The following CD40LG variants were observed in gnomAD, a reference collection of about 807,000 sequenced individuals.
CD40LG encodes the protein CD40 antigen ligand.
In CD40LG, 1 loss-of-function variant was observed where a neutral mutation model predicts 17.2. That is an observed-to-expected ratio of 0.06 (90% CI 0.02 to 0.28). The LOEUF (loss-of-function observed/expected upper bound fraction) is 0.28. Among genes scored for constraint, CD40LG ranks in the 10% least tolerant of loss-of-function variants. The pLI is 1.00. For missense variants in CD40LG, 133 were observed against 193.2 expected (o/e 0.69, Z 1.85); for synonymous variants, 66 against 74.4 (o/e 0.89, Z 0.58).
chrX:136,656,335 C>G (rs375579155), intron 3 of CD40LG, 21 bp from the exon 4 acceptor site: 1 of 1,190,805 alleles, frequency 8.4e-7, no homozygotes. Flanking sequence ...TTTAGCCTGA[C>G]AGTTTTTGGT....
At chrX:136,649,699 C>T (rs765038500) in intron 1 of CD40LG, among the ~76,000 whole-genome samples, 1 of 112,789 alleles carries the variant, frequency 8.9e-6, no homozygotes, top group South Asian at 3.6e-4. Flanking sequence ...TATTCTAAGA[C>T]ATTGGAAAAT....
rs2148553883 is a variant in CD40LG, at chrX:136,659,693, A to C, written c.*278A>C. 5 of 353,875 alleles carry C rather than the reference A, an allele frequency of 1.4e-5. No homozygotes were observed. In the East Asian group the frequency reaches 2.2e-4, roughly 16 times the overall value. The allele number at this position is 353,875 out of a possible 1,213,427, so 29.2% of individuals were successfully genotyped here. On this transcript the variant is annotated 3_prime_UTR_variant, in exon 5 of 5. Coordinates refer to ENST00000370629, the MANE Select transcript of CD40LG (RefSeq NM_000074.3). ...GAGAGTCCTATGAAAAGACAAGGCCATTATGCACAGGTTGAATTCTGAGTA... is the reference window on the plus strand; with the variant it reads ...GAGAGTCCTATGAAAAGACAAGGCCCTTATGCACAGGTTGAATTCTGAGTA...
chrX:136,650,048 G>A (rs957460519), intron 1 of CD40LG, among the ~76,000 whole-genome samples: 1 of 112,354 alleles, frequency 8.9e-6, no homozygotes, highest in African/African-American at 3.2e-5. Flanking sequence ...TTTCTACCTG[G>A]AGTTTCTGAT....
chrX:136,656,838 C>T (rs1240948132), intron 4 of CD40LG, among the ~76,000 whole-genome samples: 1 of 111,927 alleles, frequency 8.9e-6, no homozygotes, highest in Non-Finnish European at 1.9e-5. Flanking sequence ...TAAGCTCAGC[C>T]TCACTGAGGC....
At chrX:136,654,298 A>G in intron 2 of CD40LG, 75 bp from the exon 3 acceptor site, 1 of 746,878 alleles carries the variant, frequency 1.3e-6, no homozygotes, top group Non-Finnish European at 2.1e-6. Flanking sequence ...TGACAGATGC[A>G]AAACGAATGA....
chrX:136,654,398 C>T lies in CD40LG; in HGVS notation c.314C>T (p.Thr105Met), dbSNP rs376582437. Residue 105 changes from threonine to methionine, a missense_variant, in exon 3 of 5, where the codon ACG becomes ATG. Coordinates refer to ENST00000370629, the MANE Select transcript of CD40LG (RefSeq NM_000074.3). The stretch of plus-strand genomic sequence containing the variant: ...GATATAATGTTAAACAAAGAGGAGA[C>T]GAAGAAAGAAAACAGCTTTGAAATG... ...VKDIMLNKEE[T>M]KKENSFEMQK... is the part of the protein sequence containing the mutation. 2.1e-5 allele frequency: 25 copies of T among 1,201,226 alleles called. No individual in the cohort carries two copies. The highest frequency in any genetic ancestry group is 1.1e-4 in the African/African-American group (6 of 57,020).
Position 136,656,363 on chromosome X carries a change from G to A in CD40LG, c.354G>A (p.Gln118=). 1 of 1,209,433 alleles carries A rather than the reference G, an allele frequency of 8.3e-7. No individual in the cohort carries two copies. Among genetic ancestry groups the A allele is most frequent in the Non-Finnish European group, 1.1e-6 (1 of 893,337 alleles). Residue 118 remains glutamine (Q), a synonymous_variant, in exon 4 of 5, where the codon CAG becomes CAA. Coordinates refer to ENST00000370629, the MANE Select transcript of CD40LG (RefSeq NM_000074.3). ...ENSFEMQKGD[Q]NPQIAAHVIS... Reference sequence around the variant, plus strand: ...TTTTTGGTTCCATTTCAGGTGATCAGAATCCTCAAATTGCGGCACATGTCA... The same window carrying A: ...TTTTTGGTTCCATTTCAGGTGATCAAAATCCTCAAATTGCGGCACATGTCA...
intron 3 of CD40LG, among the ~76,000 whole-genome samples, 198 bp from the exon 4 acceptor site, chrX:136,656,158 T>C (rs1238770160): frequency 8.9e-6 from 1 of 112,440 alleles, no homozygotes; most frequent in Non-Finnish European, 1.9e-5. Flanking sequence ...ATGAGACCGA[T>C]GGAAACAGCC....
chrX:136,659,325 A>C lies in CD40LG; in HGVS notation c.696A>C (p.Gln232His). ...SIHLGGVFEL[Q>H]PGASVFVNVT... ...ACTTGGGAGGAGTATTTGAATTGCA[A>C]CCAGGTGCTTCGGTGTTTGTCAATG... Residue 232 changes from glutamine (Q) to histidine (H), a missense_variant, in exon 5 of 5, where the codon CAA becomes CAC. Gln to His is a conservative substitution (Grantham distance 24). Coordinates refer to ENST00000370629, the MANE Select transcript of CD40LG (RefSeq NM_000074.3). 8.3e-7 allele frequency: 1 copy of C among 1,211,025 alleles called. No homozygotes were observed. Among genetic ancestry groups the C allele is most frequent in the Non-Finnish European group, 1.1e-6 (1 of 894,902 alleles).
chrX:136,649,919 G>A (rs1425105892), intron 1 of CD40LG, among the ~76,000 whole-genome samples: 1 of 112,372 alleles, frequency 8.9e-6, no homozygotes, highest in Non-Finnish European at 1.9e-5. Context: ...CTAGGCTGAT[G>A]TTTATAATGA....
intron 2 of CD40LG, among the ~76,000 whole-genome samples, chrX:136,653,869 T>G (rs1287297958): frequency 1.8e-5 from 2 of 112,300 alleles, no homozygotes; most frequent in Non-Finnish European, 3.8e-5. Flanking sequence ...AAATTAAAAA[T>G]GTCTGAGGGT....
chrX:136,650,529 A>C, intron 2 of CD40LG, 132 bp downstream of exon 2: 1 of 552,917 alleles, frequency 1.8e-6, no homozygotes, highest in Non-Finnish European at 3.1e-6. Flanking sequence ...ACACATATAT[A>C]TGCATGCAGA....
chrX:136,659,610 C>T lies in CD40LG; in HGVS notation c.*195C>T. ...ACAGGTCACATGAAACCAAAACGGG[C>T]CCTGCTCCATAAGAGCTTATATATC... On this transcript the variant is annotated 3_prime_UTR_variant, in exon 5 of 5. Coordinates refer to ENST00000370629, the MANE Select transcript of CD40LG (RefSeq NM_000074.3). The T allele has an allele frequency of 2.2e-6, 1 of 449,680 alleles. No individual in the cohort carries two copies. The highest frequency in any genetic ancestry group is 3.8e-6 in the Non-Finnish European group (1 of 264,156). 37.1% of individuals were successfully genotyped at this position (449,680 alleles called of 1,213,427 possible).
At position 136,648,323 on chromosome X, in the gene CD40LG, G is replaced by A; in HGVS notation, c.75G>A (p.Met25Ile). The part of the protein sequence containing the change: ...TGLPISMKIF[M>I]YLLTVFLITQ... ...TGCCCATCAGCATGAAAATTTTTAT[G>A]TATTTACTTACTGTTTTTCTTATCA... The change falls in exon 1 of 5, where the codon ATG (methionine) becomes ATA (isoleucine). Residue 25 changes from methionine (M) to isoleucine (I), a missense_variant. Met to Ile is a conservative substitution (Grantham distance 10). Transcript: ENST00000370629. The A allele has an allele frequency of 8.3e-7, 1 of 1,203,436 alleles. No homozygotes were observed. Among genetic ancestry groups the A allele is most frequent in the Non-Finnish European group, 1.1e-6 (1 of 887,978 alleles).
chrX:136,654,303 G>A (rs2076112832), intron 2 of CD40LG, 70 bp from the exon 3 acceptor site: 2 of 765,779 alleles, frequency 2.6e-6, no homozygotes, highest in Admixed American at 2.2e-5. Context: ...GATGCAAAAC[G>A]AATGATAATT....
At chrX:136,656,108 T>C (rs1946565270) in intron 3 of CD40LG, among the ~76,000 whole-genome samples, 1 of 112,248 alleles carries the variant, frequency 8.9e-6, no homozygotes, top group African/African-American at 3.2e-5. Context: ...TGTGTCAATC[T>C]ATGCAAAATG....
At chrX:136,650,433 AAT>A in intron 2 of CD40LG, 36 bp downstream of exon 2, 1 of 1,169,684 alleles carries the variant, frequency 8.5e-7, no homozygotes, top group Non-Finnish European at 1.2e-6. Context: ...GTGTCATTGA[AAT>A]ATTTTACTAC....
At chrX:136,656,253 T>C in intron 3 of CD40LG, 103 bp from the exon 4 acceptor site, 1 of 622,558 alleles carries the variant, frequency 1.6e-6, no homozygotes, top group South Asian at 2.2e-5. Flanking sequence ...TTATATAATC[T>C]ATTTTTGCAC....
Position 136,659,170 on chromosome X carries a change from C to T in CD40LG, c.541C>T (p.Arg181Trp), listed in dbSNP as rs200840715. ...TGCCCAAGTCACCTTCTGTTCCAAT[C>T]GGGAAGCTTCGAGTCAAGCTCCATT... is the stretch of plus-strand genomic sequence containing the variant. ...IYAQVTFCSNREASSQAPFIA... is the reference protein window; with the variant it reads ...IYAQVTFCSNWEASSQAPFIA... Residue 181 changes from arginine to tryptophan, a missense_variant, in exon 5 of 5, where the codon CGG becomes TGG. Coordinates refer to ENST00000370629, the MANE Select transcript of CD40LG (RefSeq NM_000074.3). 2.5e-6 allele frequency: 3 copies of T among 1,211,324 alleles called. No individual in the cohort carries two copies. The highest frequency in any genetic ancestry group is 3.5e-5 in the South Asian group (2 of 56,982).
Sources: gnomAD v4.1 joint callset for allele counts (sites outside exome capture counted in the v4.1 genomes callset) on GRCh38, gnomAD v4.1.1 for gene constraint, MANE v1.5 for transcripts, NCBI Gene and HGNC (gene_info 2026-07-23, HGNC 2026-07-21) for gene names.